The following LHFPL3 variants were observed in gnomAD, a reference collection of about 807,000 sequenced individuals.
LHFPL3 encodes LHFPL tetraspan subfamily member 3, also known as LHFPL tetraspan subfamily member 3 protein.
LHFPL3 carries 5 observed loss-of-function variants against 19.3 expected under a neutral mutation model. That is an observed-to-expected ratio of 0.26 (90% CI 0.14 to 0.54). LHFPL3 has a LOEUF of 0.54. Among genes scored for constraint, LHFPL3 ranks in the 20% least tolerant of loss-of-function variants. LHFPL3 has a pLI of 0.94. For synonymous variants in LHFPL3, 133 were observed against 126.2 expected, an observed-to-expected ratio of 1.05 and a Z score of -0.36; for missense variants, 249 against 307.4, an observed-to-expected ratio of 0.81 and a Z score of 1.42.
chr7:104,881,169 CAAAAAAAA>C (rs60361178), intron 2 of LHFPL3, among the ~76,000 whole-genome samples: 6 of 91,526 alleles, frequency 6.6e-5, no homozygotes, highest in South Asian at 7.2e-4. Context: ...GATTCCATCT[CAAAAAAAA>C]AAAAAAAAAA....
At chr7:104,668,592 C>A (rs1487748856) in intron 1 of LHFPL3, 1 of 1,612,538 alleles carries the variant, frequency 6.2e-7, no homozygotes. Flanking sequence ...CAGTGGGTAT[C>A]GCAGGGATGA....
intron 2 of LHFPL3, among the ~76,000 whole-genome samples, chr7:104,809,591 C>T (rs765628520): frequency 2.0e-5 from 3 of 152,060 alleles, no homozygotes; most frequent in Non-Finnish European, 2.9e-5. Context: ...AATAACAGCA[C>T]CTTTAATTTT....
At chr7:104,649,368 C>G (rs1791987331) in intron 1 of LHFPL3, among the ~76,000 whole-genome samples, 1 of 152,144 alleles carries the variant, frequency 6.6e-6, no homozygotes, top group Admixed American at 6.5e-5. Flanking sequence ...GGAGGACTTC[C>G]CAGAGGAGGT....
At chr7:104,793,484 T>TA (rs1225264143) in intron 2 of LHFPL3, among the ~76,000 whole-genome samples, 1 of 152,114 alleles carries the variant, frequency 6.6e-6, no homozygotes, top group African/African-American at 2.4e-5. Context: ...ATGTCAGTGG[T>TA]AAAAAAGCAA....
At chr7:104,794,214 C>T (rs1371960002) in intron 2 of LHFPL3, among the ~76,000 whole-genome samples, 1 of 152,100 alleles carries the variant, frequency 6.6e-6, no homozygotes, top group Non-Finnish European at 1.5e-5. Context: ...TCACTTGAAC[C>T]CTAGTTTCTT....
At chr7:104,727,307 G>A (rs764922076) in intron 1 of LHFPL3, among the ~76,000 whole-genome samples, 1 of 152,082 alleles carries the variant, frequency 6.6e-6, no homozygotes, top group Non-Finnish European at 1.5e-5. Flanking sequence ...AGTTTCTTCT[G>A]TATGGAAGCT....
chr7:104,608,569 T>C (rs558896817), intron 1 of LHFPL3, among the ~76,000 whole-genome samples: 40 of 151,402 alleles, frequency 2.6e-4, no homozygotes, highest in South Asian at 4.2e-4. Flanking sequence ...ATGGGTGCAG[T>C]ACACCAACAT....
At chr7:104,859,415 TC>T (rs1468675002) in intron 2 of LHFPL3, among the ~76,000 whole-genome samples, 1 of 152,220 alleles carries the variant, frequency 6.6e-6, no homozygotes, top group East Asian at 1.9e-4. Context: ...ATGCCTGTAA[TC>T]CCAGAACTTT....
intron 2 of LHFPL3, among the ~76,000 whole-genome samples, chr7:104,866,824 A>T (rs1584585789): frequency 6.6e-6 from 1 of 152,360 alleles, no homozygotes; most frequent in East Asian, 1.9e-4. Context: ...ACATAGTAGG[A>T]AGTAAAGCAC....
At chr7:104,808,631 G>A (rs1790411659) in intron 2 of LHFPL3, among the ~76,000 whole-genome samples, 1 of 152,210 alleles carries the variant, frequency 6.6e-6, no homozygotes, top group Non-Finnish European at 1.5e-5. Context: ...CAGGAGTTTG[G>A]ATATTGAGAG....
At chr7:104,811,608 G>A (rs1790472126) in intron 2 of LHFPL3, among the ~76,000 whole-genome samples, 4 of 152,184 alleles carry the variant, frequency 2.6e-5, no homozygotes, top group Admixed American at 2.6e-4. Flanking sequence ...ATAGTCTACT[G>A]ACTCTGGATT....
intron 2 of LHFPL3, among the ~76,000 whole-genome samples, chr7:104,828,266 C>G (rs1048628281): frequency 1.3e-5 from 2 of 151,902 alleles, no homozygotes; most frequent in Non-Finnish European, 2.9e-5. Flanking sequence ...CCTTGCTGCC[C>G]TTAGAACATA....
intron 1 of LHFPL3, among the ~76,000 whole-genome samples, chr7:104,648,740 C>T (rs1227433277): frequency 1.7e-4 from 26 of 152,146 alleles, no homozygotes; most frequent in Admixed American, 1.7e-3. Context: ...TCACAATGGC[C>T]GCCTGTGTGG....
At chr7:104,333,306 A>T (rs1801605161) in intron 1 of LHFPL3, among the ~76,000 whole-genome samples, 1 of 152,192 alleles carries the variant, frequency 6.6e-6, no homozygotes, top group African/African-American at 2.4e-5. Context: ...AGTGGAACTT[A>T]AGGTTTTGTA....
At chr7:104,580,003 T>C (rs1047436470) in intron 1 of LHFPL3, among the ~76,000 whole-genome samples, 1 of 152,208 alleles carries the variant, frequency 6.6e-6, no homozygotes, top group Non-Finnish European at 1.5e-5. Flanking sequence ...TTACTCAAAT[T>C]GTTAACTATC....
Position 104,860,268 on chromosome 7 carries a change from G to A in LHFPL3, c.683-45919G>A, listed in dbSNP as rs752611880. Among the ~76,000 whole-genome samples the A allele has an allele frequency of 5.7e-4, 87 of 151,650 alleles. 1 individual carries two copies. Among genetic ancestry groups the A allele is most frequent in the Non-Finnish European group, 6.3e-4 (43 of 67,960 alleles). On this transcript the variant is annotated intron_variant, in intron 2 of 2. Coordinates refer to ENST00000424859, the MANE Select transcript of LHFPL3 (RefSeq NM_199000.3). ...TGTGCAAACTTACTCGGCTCTCCCT[G>A]CCCAATGCAGGCAGGGTTGATTATG...
chr7:104,742,619 G>A (rs1793956084), intron 2 of LHFPL3, among the ~76,000 whole-genome samples: 2 of 152,102 alleles, frequency 1.3e-5, no homozygotes, highest in South Asian at 4.1e-4. Context: ...AGGAGCCTTG[G>A]GCCAATATCT....
At chr7:104,364,812 G>A (rs1396893904) in intron 1 of LHFPL3, among the ~76,000 whole-genome samples, 16 of 152,222 alleles carry the variant, frequency 1.1e-4, no homozygotes, top group Admixed American at 1.0e-3. Flanking sequence ...GACTGGAGAA[G>A]ATTCTTGCTC....
chr7:104,771,978 G>A (rs1392398014), intron 2 of LHFPL3, among the ~76,000 whole-genome samples: 3 of 151,526 alleles, frequency 2.0e-5, no homozygotes, highest in Non-Finnish European at 4.4e-5. Flanking sequence ...GTGCCACCAC[G>A]CCCAGCTAAA....
Sources: gnomAD v4.1 joint callset for allele counts (sites outside exome capture counted in the v4.1 genomes callset) on GRCh38, gnomAD v4.1.1 for gene constraint, MANE v1.5 for transcripts, NCBI Gene and HGNC (gene_info 2026-07-23, HGNC 2026-07-21) for gene names.